Variants in PRKAA2 observed in about 807,000 individuals in gnomAD.
PRKAA2 encodes protein kinase AMP-activated catalytic subunit alpha 2.
In PRKAA2, 40 loss-of-function variants were observed where a neutral mutation model predicts 56.3. The ratio of observed to expected loss-of-function variants is 0.71; its 90% CI spans 0.55 to 0.92. The LOEUF is 0.92. Among genes scored for constraint, PRKAA2 ranks in the 40% least tolerant of loss-of-function variants. The probability of loss-of-function intolerance (pLI) is 0.00; values close to 1 mark genes in which losing one functional copy is unlikely to be tolerated. For missense variants in PRKAA2, 542 were observed against 686.9 expected, an observed-to-expected ratio of 0.79 and a Z score of 2.36; for synonymous variants, 214 against 234.2, an observed-to-expected ratio of 0.91 and a Z score of 0.79.
At chr1:56,660,019 AAATAGCCCATTTTCCTGTC>A (rs1406355603) in intron 1 of PRKAA2, among the ~76,000 whole-genome samples, 5 of 152,326 alleles carry the variant, frequency 3.3e-5, no homozygotes, top group Admixed American at 6.5e-5. Context: ...GATCTATGTA[AAATAGCCCATTTTCCTGTC>A]ACCTTGTCAC....
At chr1:56,685,262 C>T (rs1014459142) in intron 2 of PRKAA2, among the ~76,000 whole-genome samples, 1 of 152,136 alleles carries the variant, frequency 6.6e-6, no homozygotes, top group South Asian at 2.1e-4. Flanking sequence ...AAAGATATCA[C>T]TTACACCTGA....
At chr1:56,648,605 G>A (rs567736320) in intron 1 of PRKAA2, among the ~76,000 whole-genome samples, 1 of 152,212 alleles carries the variant, frequency 6.6e-6, no homozygotes, top group South Asian at 2.1e-4. Flanking sequence ...GTAGTTTTAT[G>A]TTTTACTTTT....
chr1:56,646,127 C>T (rs1646640183), intron 1 of PRKAA2, among the ~76,000 whole-genome samples: 1 of 152,102 alleles, frequency 6.6e-6, no homozygotes, highest in Admixed American at 6.6e-5. Flanking sequence ...CCCCAGATTC[C>T]TTCACGTTCC....
rs772663945 is a variant in PRKAA2 at position 56,704,418 on chromosome 1, G to A, written c.1236G>A (p.Pro412=). 4.2e-5 allele frequency: 67 copies of A among 1,613,212 alleles called. No individual in the cohort carries two copies. The highest frequency in any genetic ancestry group is 3.3e-4 in the Middle Eastern group (2 of 6,060). ...TTGGAATCCGAAGTCAGAGCAAACC[G>A]TATGACATTATGGCTGAAGTTTACC... ...WHLGIRSQSK[P]YDIMAEVYRA... is the part of the protein sequence containing the mutation. The change falls in exon 7 of 9, where the codon CCG becomes CCA. Residue 412 remains proline, a synonymous_variant. Coordinates refer to ENST00000371244, the MANE Select transcript of PRKAA2 (RefSeq NM_006252.4).
chr1:56,673,642 A>G (rs1483787630), intron 1 of PRKAA2, among the ~76,000 whole-genome samples: 1 of 152,214 alleles, frequency 6.6e-6, no homozygotes, highest in Non-Finnish European at 1.5e-5. Context: ...CAGAATGACT[A>G]TATTTATCAT....
At chr1:56,697,304 G>T (rs1484830395) in intron 6 of PRKAA2, among the ~76,000 whole-genome samples, 1 of 151,992 alleles carries the variant, frequency 6.6e-6, no homozygotes, top group Admixed American at 6.6e-5. Context: ...GATTACAAGT[G>T]TGAGTCGTTG....
At chr1:56,648,852 T>C (rs1234728215) in intron 1 of PRKAA2, among the ~76,000 whole-genome samples, 1 of 152,238 alleles carries the variant, frequency 6.6e-6, no homozygotes, top group Non-Finnish European at 1.5e-5. Flanking sequence ...ATTTATGTAT[T>C]TTCATTGATG....
At chr1:56,659,827 A>G (rs1315526226) in intron 1 of PRKAA2, among the ~76,000 whole-genome samples, 1 of 152,076 alleles carries the variant, frequency 6.6e-6, no homozygotes, top group African/African-American at 2.4e-5. Flanking sequence ...AGGATCGCTT[A>G]GGCCTGGGAG....
At chr1:56,687,878 C>A (rs189832088) in intron 2 of PRKAA2, among the ~76,000 whole-genome samples, 3 of 152,000 alleles carry the variant, frequency 2.0e-5, no homozygotes, top group South Asian at 2.1e-4. Context: ...CCTAAAAATG[C>A]GTATAACTTG....
chr1:56,697,240 T>A (rs1277665513), intron 6 of PRKAA2, among the ~76,000 whole-genome samples: 1 of 151,832 alleles, frequency 6.6e-6, no homozygotes, highest in Non-Finnish European at 1.5e-5. Flanking sequence ...CCCAGGCTGG[T>A]CTTGAACTTC....
intron 1 of PRKAA2, among the ~76,000 whole-genome samples, chr1:56,670,899 A>G (rs1207402471): frequency 6.6e-6 from 1 of 152,176 alleles, no homozygotes; most frequent in East Asian, 1.9e-4. Flanking sequence ...ATACTGTACA[A>G]GATTTATTTC....
At chr1:56,669,954 A>C (rs1289657399) in intron 1 of PRKAA2, among the ~76,000 whole-genome samples, 3 of 152,154 alleles carry the variant, frequency 2.0e-5, no homozygotes, top group Admixed American at 6.5e-5. Context: ...TCAAACGTAA[A>C]ATATAAAAGG....
chr1:56,701,761 G>T (rs1404284226), intron 6 of PRKAA2, among the ~76,000 whole-genome samples: 2 of 152,072 alleles, frequency 1.3e-5, no homozygotes, highest in Non-Finnish European at 2.9e-5. Flanking sequence ...GGGCATGGTG[G>T]CAGGTGCTTG....
rs566293002 is a variant in PRKAA2 at position 56,668,854 on chromosome 1, C to T, written c.95-5527C>T. On this transcript the variant is annotated intron_variant, in intron 1 of 8. Coordinates refer to ENST00000371244, the MANE Select transcript of PRKAA2 (RefSeq NM_006252.4). ...GAAAACTTTTAATCTTTGTGTAAAA[C>T]GATTGTGTATTTATACCTGTATAAC... Among the ~76,000 whole-genome samples, 28 of 152,224 alleles carry T rather than the reference C, an allele frequency of 1.8e-4. No individual in the cohort carries two copies. In the South Asian group the frequency reaches 4.4e-3, roughly 24 times the overall value.
intron 6 of PRKAA2, among the ~76,000 whole-genome samples, chr1:56,700,985 T>C (rs1049353996): frequency 6.6e-6 from 1 of 152,198 alleles, no homozygotes; most frequent in Non-Finnish European, 1.5e-5. Flanking sequence ...TCAGCCATTT[T>C]TCTTGAATAA....
rs35829792 is a variant in PRKAA2, at chr1:56,713,848, TAAAAAAAAAAAA to T, written c.*6145_*6156del. The stretch of plus-strand genomic sequence containing the variant: ...AAAGTGGAAGAGAGATCCACTGTTC[TAAAAAAAAAAAA>T]AAAAAAAAACACTAAATTGTGCCTT... On this transcript the variant is annotated 3_prime_UTR_variant, in exon 9 of 9. Transcript: ENST00000371244. 9.0e-6 allele frequency: 1 copy of T among 110,564 alleles called. No homozygotes were observed. The highest frequency in any genetic ancestry group is 3.2e-4 in the South Asian group (1 of 3,106). The allele number at this position is 110,564 out of a possible 1,614,324, so 6.8% of individuals were successfully genotyped here.
At chr1:56,660,551 C>G (rs1320841546) in intron 1 of PRKAA2, among the ~76,000 whole-genome samples, 1 of 152,164 alleles carries the variant, frequency 6.6e-6, no homozygotes, top group African/African-American at 2.4e-5. Flanking sequence ...CTACTAGACT[C>G]TATCCCTTCA....
At chr1:56,700,122 C>G (rs1009294079) in intron 6 of PRKAA2, among the ~76,000 whole-genome samples, 2 of 151,998 alleles carry the variant, frequency 1.3e-5, no homozygotes, top group African/African-American at 4.8e-5. Flanking sequence ...TTATAATTGT[C>G]GTATGTTGTT....
At chr1:56,692,588 C>T in intron 4 of PRKAA2, 86 bp downstream of exon 4, 2 of 1,383,380 alleles carry the variant, frequency 1.4e-6, no homozygotes, top group Non-Finnish European at 2.0e-6. Flanking sequence ...TACTTTTCAA[C>T]CTTGTACGTT....
Sources: allele counts gnomAD v4.1 joint callset (sites outside exome capture counted in the v4.1 genomes callset), GRCh38; gene constraint gnomAD v4.1.1; transcripts MANE v1.5; gene names NCBI Gene and HGNC (gene_info 2026-07-23, HGNC 2026-07-21).